TSHZ1: variants seen among roughly 807,000 people sequenced by gnomAD.
TSHZ1 encodes teashirt zinc finger homeobox 1.
TSHZ1 carries 12 observed loss-of-function variants against 67.1 expected under a neutral mutation model. That is an observed-to-expected ratio of 0.18 (90% CI 0.11 to 0.29). TSHZ1 has a LOEUF of 0.29. TSHZ1 is among the 10% of genes least tolerant of loss of function. TSHZ1 has a pLI of 1.00. For synonymous variants in TSHZ1, 632 were observed against 622.4 expected (o/e 1.02, Z -0.23); for missense variants, 1,305 against 1,413.9 (o/e 0.92, Z 1.23).
intron 1 of TSHZ1, among the ~76,000 whole-genome samples, chr18:75,226,762 G>T (rs1477555074): frequency 6.6e-6 from 1 of 152,102 alleles, no homozygotes; most frequent in East Asian, 1.9e-4. Context: ...AAGGGGCCAG[G>T]CCGGGCCTTG....
chr18:75,236,261 C>T (rs908723860), intron 1 of TSHZ1, among the ~76,000 whole-genome samples: 2 of 152,164 alleles, frequency 1.3e-5, no homozygotes, highest in Admixed American at 1.3e-4. Context: ...TCCCACGAGC[C>T]ATCACAGGAG....
chr18:75,222,482 A>G (rs2022859835), intron 1 of TSHZ1, among the ~76,000 whole-genome samples: 1 of 150,998 alleles, frequency 6.6e-6, no homozygotes, highest in Admixed American at 6.6e-5. Flanking sequence ...TTTTTTCTCA[A>G]CTCCTCCTCC....
At position 75,289,370 on chromosome 18, in the gene TSHZ1, G is replaced by C. The variant is rs867811033; in HGVS notation, c.*729G>C. The stretch of plus-strand genomic sequence containing the variant: ...TTTCGGCAAAAAAAAAAGTATGCAA[G>C]CTATTATTTAAAAATGTGTAAAAAT... On this transcript the variant is annotated 3_prime_UTR_variant, in exon 2 of 2. Coordinates refer to ENST00000580243, the MANE Select transcript of TSHZ1 (RefSeq NM_001308210.2). 6.0e-5 allele frequency: 10 copies of C among 166,900 alleles called. No homozygotes were observed. The highest frequency in any genetic ancestry group is 1.2e-4 in the Non-Finnish European group (8 of 68,094). The allele number at this position is 166,900 out of a possible 1,614,324, so 10.3% of individuals were successfully genotyped here.
chr18:75,286,520 C>T lies in TSHZ1; in HGVS notation c.1113C>T (p.Ala371=), dbSNP rs756545025. Residue 371 remains alanine, a synonymous_variant, in exon 2 of 2, where the codon GCC becomes GCT. Transcript: ENST00000580243. The surrounding 1 kb of genome is among the most constrained non-coding windows in gnomAD (Gnocchi z 5.1). ...GCTCCCCTGAGCCAGCAGGAATGGC[C>T]GCAGAGGTGGCCCTGAGTGAGTCAG... ...PPCSPEPAGM[A]AEVALSESAK... 1.4e-5 allele frequency: 22 copies of T among 1,614,074 alleles called. No individual in the cohort carries two copies. The highest frequency in any genetic ancestry group is 2.7e-5 in the African/African-American group (2 of 74,932).
chr18:75,258,979 G>T (rs2023396835), intron 1 of TSHZ1, among the ~76,000 whole-genome samples: 1 of 152,088 alleles, frequency 6.6e-6, no homozygotes, highest in Non-Finnish European at 1.5e-5. Context: ...ATAAGAAAAG[G>T]TCAAAGAAGG....
intron 1 of TSHZ1, among the ~76,000 whole-genome samples, chr18:75,236,252 C>T (rs1443913033): frequency 2.0e-5 from 3 of 152,164 alleles, no homozygotes; most frequent in Admixed American, 2.0e-4. Context: ...CCCTGACCTT[C>T]CCACGAGCCA....
chr18:75,217,941 AG>A (rs1216548979), intron 1 of TSHZ1, among the ~76,000 whole-genome samples: 1 of 152,210 alleles, frequency 6.6e-6, no homozygotes, highest in Admixed American at 6.5e-5. Flanking sequence ...TGTGCTACCC[AG>A]GGGGATTCTT....
intron 1 of TSHZ1, chr18:75,284,032 C>A (rs2023719494): frequency 6.6e-6 from 1 of 152,610 alleles, no homozygotes; most frequent in Admixed American, 6.5e-5. Context: ...TGCAAAATAT[C>A]TGAACCCCAA....
intron 1 of TSHZ1, among the ~76,000 whole-genome samples, chr18:75,239,750 T>C (rs1437051110): frequency 6.6e-6 from 1 of 152,196 alleles, no homozygotes; most frequent in Non-Finnish European, 1.5e-5. Flanking sequence ...GCCATTCTCC[T>C]TTCTTGGCCT....
intron 1 of TSHZ1, among the ~76,000 whole-genome samples, chr18:75,246,405 TGTGTGTG>T (rs1265464279): frequency 1.8e-5 from 1 of 54,224 alleles, no homozygotes; most frequent in Admixed American, 1.7e-4. Flanking sequence ...TGGTTTCTGG[TGTGTGTG>T]TGTGTGTGTG....
chr18:75,229,044 T>C (rs2022961822), intron 1 of TSHZ1, among the ~76,000 whole-genome samples: 1 of 152,208 alleles, frequency 6.6e-6, no homozygotes, highest in South Asian at 2.1e-4. Flanking sequence ...TTGCATATGG[T>C]GGATAGAGGA....
At chr18:75,214,039 T>G (rs1306946767) in intron 1 of TSHZ1, among the ~76,000 whole-genome samples, 2 of 152,250 alleles carry the variant, frequency 1.3e-5, no homozygotes, top group Non-Finnish European at 2.9e-5. Flanking sequence ...ATAGATTCCA[T>G]ACTAGAAGGT....
chr18:75,231,005 A>G (rs1490219563), intron 1 of TSHZ1, among the ~76,000 whole-genome samples: 1 of 152,222 alleles, frequency 6.6e-6, no homozygotes, highest in African/African-American at 2.4e-5. Context: ...GAAAAACCAA[A>G]TATCAGCATT....
intron 1 of TSHZ1, among the ~76,000 whole-genome samples, chr18:75,252,347 T>A (rs1424902861): frequency 6.6e-6 from 1 of 152,242 alleles, no homozygotes; most frequent in Non-Finnish European, 1.5e-5. Context: ...ATTATTTTGT[T>A]GCGTGTACTG....
At chr18:75,282,439 G>A (rs954950243) in intron 1 of TSHZ1, among the ~76,000 whole-genome samples, 2 of 152,208 alleles carry the variant, frequency 1.3e-5, no homozygotes, top group Non-Finnish European at 2.9e-5. Context: ...AGTGTTGAGA[G>A]GAAAGCCTGC....
chr18:75,239,390 C>G (rs917870934), intron 1 of TSHZ1, among the ~76,000 whole-genome samples: 11 of 152,184 alleles, frequency 7.2e-5, no homozygotes, highest in Non-Finnish European at 1.6e-4. Context: ...AATACGGACA[C>G]CTTGACCATG....
chr18:75,236,546 C>T (rs936155973), intron 1 of TSHZ1, among the ~76,000 whole-genome samples: 1 of 151,966 alleles, frequency 6.6e-6, no homozygotes, highest in Non-Finnish European at 1.5e-5. Flanking sequence ...TGCAAAGTGC[C>T]GATATCTGAT....
intron 1 of TSHZ1, among the ~76,000 whole-genome samples, chr18:75,259,368 A>G (rs1376233249): frequency 1.3e-5 from 2 of 152,190 alleles, no homozygotes; most frequent in Non-Finnish European, 2.9e-5. Flanking sequence ...AAAATATTAA[A>G]CAGAAAATTA....
At chr18:75,212,046 G>T (rs905674420) in intron 1 of TSHZ1, 130 bp downstream of exon 1, 37 of 620,900 alleles carry the variant, frequency 6.0e-5, no homozygotes, top group Non-Finnish European at 7.4e-5. Context: ...CCCAGCCTGC[G>T]CTGGCCACAG....
Sources: allele counts gnomAD v4.1 joint callset (sites outside exome capture counted in the v4.1 genomes callset), GRCh38; gene constraint gnomAD v4.1.1; non-coding constraint Gnocchi (gnomAD v3.1); transcripts MANE v1.5; gene names NCBI Gene and HGNC (gene_info 2026-07-23, HGNC 2026-07-21).